Variants in TRDN observed in about 807,000 individuals in gnomAD.
The protein encoded by TRDN is triadin in skeletal muscle.
TRDN carries 161 observed loss-of-function variants against 149.7 expected under a neutral mutation model. That is an observed-to-expected ratio of 1.08 (90% CI 0.95 to 1.23). TRDN has a LOEUF of 1.23. Among genes scored for constraint, TRDN ranks in the 50% most tolerant of loss-of-function variants. The pLI, the probability that TRDN is intolerant of heterozygous loss-of-function variation, is 0.00. For synonymous variants in TRDN, 294 were observed against 250.5 expected (o/e 1.17, Z -1.64); for missense variants, 896 against 823.5 (o/e 1.09, Z -1.08).
chr6:123,400,020 G>GA (rs1162333101), intron 12 of TRDN, among the ~76,000 whole-genome samples: 1 of 151,662 alleles, frequency 6.6e-6, no homozygotes, highest in African/African-American at 2.4e-5. Context: ...TTATGATTTG[G>GA]AAAAACTATT....
intron 24 of TRDN, among the ~76,000 whole-genome samples, chr6:123,302,656 T>C (rs1398987165): frequency 6.6e-6 from 1 of 152,082 alleles, no homozygotes; most frequent in Non-Finnish European, 1.5e-5. Flanking sequence ...ACCAAACACA[T>C]CCATTTTGAA....
chr6:123,286,744 T>C (rs1330886140), intron 24 of TRDN, among the ~76,000 whole-genome samples: 1 of 152,040 alleles, frequency 6.6e-6, no homozygotes, highest in African/African-American at 2.4e-5. Context: ...CTCTTCAGCA[T>C]GTGGGGGAGT....
In TRDN at chr6:123,563,941, T is replaced by C. The variant is rs918351753; in HGVS notation, c.232+6982A>G. Among the ~76,000 whole-genome samples the C allele has an allele frequency of 3.3e-4, 51 of 152,250 alleles. 1 individual carries two copies. Among genetic ancestry groups the C allele is most frequent in the African/African-American group, 1.2e-3 (50 of 41,564 alleles). ...TCCCACCTCAGGCTCTTGCCTTTAT[T>C]AAAACAACAATAAAAACAATATCCG... On this transcript the variant is annotated intron_variant, in intron 2 of 40. Transcript: ENST00000334268.
chr6:123,230,235 T>C (rs1011182311), intron 38 of TRDN, among the ~76,000 whole-genome samples: 12 of 151,968 alleles, frequency 7.9e-5, no homozygotes, highest in Non-Finnish European at 1.6e-4. Flanking sequence ...ATGTCGTTTG[T>C]AGGGACATGG....
intron 7 of TRDN, chr6:123,509,427 C>A (rs1283135848): frequency 1.3e-5 from 2 of 152,084 alleles, no homozygotes; most frequent in Non-Finnish European, 2.9e-5. Context: ...TTTCTGTCTT[C>A]CTGTTTCTCT....
Position 123,315,159 on chromosome 6 carries a change from C to T in TRDN, c.1510+1298G>A, listed in dbSNP as rs1437892808. Among the ~76,000 whole-genome samples the T allele has an allele frequency of 3.3e-5, 5 of 151,908 alleles. No individual in the cohort carries two copies. In the East Asian group the frequency reaches 7.7e-4, roughly 24 times the overall value. On this transcript the variant is annotated intron_variant, in intron 24 of 40. Coordinates refer to ENST00000334268, the MANE Select transcript of TRDN (RefSeq NM_006073.4). ...AAAGAGGAAAGGACAACATAATGCA[C>T]CTTTTATCTGATTAGTGAGTTTTCA...
chr6:123,348,794 T>C (rs1582901845), intron 21 of TRDN, among the ~76,000 whole-genome samples: 1 of 152,112 alleles, frequency 6.6e-6, no homozygotes, highest in Admixed American at 6.6e-5. Context: ...TGTTGCATGG[T>C]GAACATTATA....
rs545030072 is a variant in TRDN, at chr6:123,311,289, T to A, written c.1510+5168A>T. Among the ~76,000 whole-genome samples, 15 of 151,940 alleles carry A rather than the reference T, an allele frequency of 9.9e-5. No homozygotes were observed. The South Asian group carries it at 3.1e-3, about 32-fold the overall frequency. The stretch of plus-strand genomic sequence containing the variant: ...CCATGAGAACTTACTATCATGAGAA[T>A]AGCATGGGGGAAATCGCCCCCATGA... On this transcript the variant is annotated intron_variant, in intron 24 of 40. Coordinates refer to ENST00000334268, the MANE Select transcript of TRDN (RefSeq NM_006073.4).
chr6:123,568,591 C>T (rs1218166021), intron 2 of TRDN, among the ~76,000 whole-genome samples: 1 of 152,224 alleles, frequency 6.6e-6, no homozygotes, highest in African/African-American at 2.4e-5. Flanking sequence ...TGCATGGCTG[C>T]AGGCTTAACA....
intron 4 of TRDN, among the ~76,000 whole-genome samples, chr6:123,546,982 C>T (rs1781144430): frequency 6.6e-6 from 1 of 151,970 alleles, no homozygotes; most frequent in African/African-American, 2.4e-5. Context: ...TAAGAATAAA[C>T]ATTTAAAATC....
rs190664248 is a variant in TRDN at position 123,480,069 on chromosome 6, A to G, written c.854-15086T>C. ...ATTTTTTATCAAAATAGAGATGCCTATTCTCTGAGGTGTTGAATGGTAGAA... is the reference window on the plus strand; with the variant it reads ...ATTTTTTATCAAAATAGAGATGCCTGTTCTCTGAGGTGTTGAATGGTAGAA... On this transcript the variant is annotated intron_variant, in intron 9 of 40. Transcript: ENST00000334268. Among the ~76,000 whole-genome samples the G allele has an allele frequency of 1.5e-3, 233 of 152,216 alleles. 2 individuals are homozygous for G. Among genetic ancestry groups the G allele is most frequent in the Non-Finnish European group, 2.4e-3 (166 of 67,982 alleles).
intron 19 of TRDN, among the ~76,000 whole-genome samples, chr6:123,367,686 C>T (rs180974661): frequency 2.6e-5 from 4 of 152,300 alleles, no homozygotes; most frequent in East Asian, 1.9e-4. Flanking sequence ...ATCAGGTTCA[C>T]GCTGGAGGGC....
intron 20 of TRDN, among the ~76,000 whole-genome samples, chr6:123,363,685 A>C (rs1780982770): frequency 6.6e-6 from 1 of 152,138 alleles, no homozygotes; most frequent in Non-Finnish European, 1.5e-5. Flanking sequence ...TACTCTATAA[A>C]CTCAGTGACC....
intron 9 of TRDN, among the ~76,000 whole-genome samples, chr6:123,474,552 A>G (rs1583105646): frequency 6.6e-6 from 1 of 152,256 alleles, no homozygotes; most frequent in South Asian, 2.1e-4. Flanking sequence ...CAGGAATTGA[A>G]CTCAGCTCTG....
chr6:123,226,553 C>T (rs185866426), intron 38 of TRDN, among the ~76,000 whole-genome samples: 26 of 151,926 alleles, frequency 1.7e-4, no homozygotes, highest in South Asian at 6.2e-4. Context: ...CTATAAGTGA[C>T]AAAAGCTGGC....
At chr6:123,280,744 TC>T (rs1189493250) in intron 24 of TRDN, among the ~76,000 whole-genome samples, 1 of 151,378 alleles carries the variant, frequency 6.6e-6, no homozygotes, top group Non-Finnish European at 1.5e-5. Flanking sequence ...AATTGCTTAC[TC>T]CTTTTATGTG....
At chr6:123,634,223 C>T (rs1253240781) in intron 1 of TRDN, among the ~76,000 whole-genome samples, 1 of 151,630 alleles carries the variant, frequency 6.6e-6, no homozygotes, top group African/African-American at 2.4e-5. Context: ...GGCTTGAGGC[C>T]AGTAGTTAAG....
In TRDN at chr6:123,438,103, CTTTTTGATATCTTCTTTTTCTGCTGG is replaced by C; in HGVS notation, c.992-7_1010del. The stretch of plus-strand genomic sequence containing the variant: ...CAATGGCAGTTTCCTTCTCACTTTT[CTTTTTGATATCTTCTTTTTCTGCTGG>C]TAAAATAAGAAAGTTATAAGCCTTT... On this transcript the variant is annotated splice_acceptor_variant and splice_polypyrimidine_tract_variant and coding_sequence_variant and intron_variant, in exon 12 of 41. Transcript: ENST00000334268. LOFTEE classifies it high-confidence loss of function. 6.3e-7 allele frequency: 1 copy of C among 1,588,390 alleles called. No individual in the cohort carries two copies. Among genetic ancestry groups the C allele is most frequent in the Admixed American group, 1.9e-5 (1 of 53,570 alleles).
intron 1 of TRDN, among the ~76,000 whole-genome samples, chr6:123,586,438 G>T (rs187912742): frequency 1.3e-5 from 2 of 152,078 alleles, no homozygotes; most frequent in African/African-American, 4.8e-5. Flanking sequence ...GGAGGGAAAG[G>T]AGGAAGATTT....
Sources: gnomAD v4.1 joint callset for allele counts (sites outside exome capture counted in the v4.1 genomes callset) on GRCh38, gnomAD v4.1.1 for gene constraint, MANE v1.5 for transcripts, NCBI Gene and HGNC (gene_info 2026-07-23, HGNC 2026-07-21) for gene names.